The following CLTRN variants were observed in gnomAD, a reference collection of about 807,000 sequenced individuals.
CLTRN encodes the protein collectrin, amino acid transport regulator.
A neutral mutation model predicts 14.5 loss-of-function variants in CLTRN; 12 were observed. The observed-to-expected ratio is 0.83, with a 90% CI of 0.53 to 1.34. The LOEUF (loss-of-function observed/expected upper bound fraction) is 1.34, where lower values mean the gene tolerates loss of function less well. Among genes scored for constraint, CLTRN ranks in the 40% most tolerant of loss-of-function variants. CLTRN has a pLI of 0.00. For synonymous variants in CLTRN, 58 were observed against 56.5 expected (o/e 1.03, Z -0.12); for missense variants, 154 against 165.1 (o/e 0.93, Z 0.37).
chrX:15,655,570 G>C (rs1366803472), intron 3 of CLTRN, among the ~76,000 whole-genome samples: 1 of 111,989 alleles, frequency 8.9e-6, no homozygotes, highest in Non-Finnish European at 1.9e-5. Flanking sequence ...CAAAGCCTCT[G>C]CTTGGCCCCA....
At chrX:15,648,546 C>T (rs1336241797) in intron 3 of CLTRN, among the ~76,000 whole-genome samples, 1 of 111,610 alleles carries the variant, frequency 9.0e-6, no homozygotes, top group Non-Finnish European at 1.9e-5. Context: ...GGCACGGTAG[C>T]TCACGCCTGT....
At chrX:15,665,304 C>G (rs1208592404), upstream of CLTRN, among the ~76,000 whole-genome samples, 1 of 111,971 alleles carries the variant, frequency 8.9e-6, no homozygotes, top group African/African-American at 3.3e-5. Flanking sequence ...AGGAGAGCTT[C>G]GGAGCTTCCT....
chrX:15,670,633 A>G, intron 1 of CLTRN, among the ~76,000 whole-genome samples: 1 of 111,149 alleles, frequency 9.0e-6, no homozygotes, highest in Non-Finnish European at 1.9e-5. Flanking sequence ...GTTCTATTTT[A>G]ACTCAGTGGT....
chrX:15,655,874 C>T (rs1441269025), intron 3 of CLTRN, among the ~76,000 whole-genome samples: 1 of 112,130 alleles, frequency 8.9e-6, no homozygotes, highest in African/African-American at 3.2e-5. Flanking sequence ...TCTATGAGCA[C>T]TTCTCTACCT....
At chrX:15,639,076 T>C (rs985214911) in intron 5 of CLTRN, among the ~76,000 whole-genome samples, 1 of 111,537 alleles carries the variant, frequency 9.0e-6, no homozygotes, top group Admixed American at 9.6e-5. Context: ...GGGATGAGTG[T>C]CCATCAAAGG....
chrX:15,653,892 T>G (rs754538881), intron 3 of CLTRN, among the ~76,000 whole-genome samples: 4 of 112,893 alleles, frequency 3.5e-5, no homozygotes, highest in Non-Finnish European at 7.5e-5. Context: ...AATAATCATT[T>G]TGACCAATTG....
At chrX:15,662,525 T>C (rs1413613064) in intron 2 of CLTRN, among the ~76,000 whole-genome samples, 1 of 111,178 alleles carries the variant, frequency 9.0e-6, no homozygotes, top group African/African-American at 3.3e-5. Context: ...ATTAAAGCCA[T>C]AGCAAAGAGC....
intron 3 of CLTRN, among the ~76,000 whole-genome samples, chrX:15,652,066 C>G (rs1929230678): frequency 8.9e-6 from 1 of 112,046 alleles, no homozygotes; most frequent in African/African-American, 3.2e-5. Flanking sequence ...AGAATGACTG[C>G]ACATAGTTCT....
chrX:15,653,230 A>G (rs764719600), intron 3 of CLTRN, among the ~76,000 whole-genome samples: 116 of 110,820 alleles, frequency 1.0e-3, no homozygotes, highest in South Asian at 2.8e-3. Context: ...TTGGGTGTTG[A>G]AGAGTGCTTG....
At chrX:15,675,348 T>A (rs1312738568), upstream of CLTRN, among the ~76,000 whole-genome samples, 1 of 110,491 alleles carries the variant, frequency 9.1e-6, no homozygotes, top group African/African-American at 3.3e-5. Flanking sequence ...TGCGGAGTAG[T>A]GACCGGCAAG....
chrX:15,651,371 G>C (rs1330752461), intron 3 of CLTRN, among the ~76,000 whole-genome samples: 1 of 110,971 alleles, frequency 9.0e-6, no homozygotes, highest in Admixed American at 9.5e-5. Flanking sequence ...CCAGAGTCTT[G>C]AGTCCACCAG....
intron 4 of CLTRN, among the ~76,000 whole-genome samples, chrX:15,641,463 T>C (rs1299828262): frequency 1.8e-5 from 2 of 112,149 alleles, no homozygotes; most frequent in Non-Finnish European, 3.8e-5. Context: ...CAAGAAAATG[T>C]AATTTCAACA....
At chrX:15,666,910 C>T (rs759058201), upstream of CLTRN, among the ~76,000 whole-genome samples, 41 of 112,745 alleles carry the variant, frequency 3.6e-4, no homozygotes, top group South Asian at 0.012. Flanking sequence ...ATTTTACTTA[C>T]ATCAAGGAAG....
At chrX:15,638,723 C>A (rs888277866) in intron 5 of CLTRN, among the ~76,000 whole-genome samples, 17 of 111,920 alleles carry the variant, frequency 1.5e-4, no homozygotes, top group African/African-American at 5.2e-4. Flanking sequence ...TCCTCTTCTT[C>A]TCCACTACCT....
At chrX:15,655,455 C>G (rs1404851064) in intron 3 of CLTRN, among the ~76,000 whole-genome samples, 1 of 112,062 alleles carries the variant, frequency 8.9e-6, no homozygotes, top group Non-Finnish European at 1.9e-5. Flanking sequence ...CGCCTCGGCT[C>G]TGCCTCCGGG....
chrX:15,668,724 C>T (rs981674516), upstream of CLTRN, among the ~76,000 whole-genome samples: 1 of 111,066 alleles, frequency 9.0e-6, no homozygotes, highest in African/African-American at 3.3e-5. Context: ...ATATAATGTA[C>T]CAGAAATAAA....
intron 3 of CLTRN, among the ~76,000 whole-genome samples, chrX:15,649,522 G>T (rs1264423944): frequency 9.0e-6 from 1 of 111,642 alleles, no homozygotes; most frequent in Non-Finnish European, 1.9e-5. Context: ...GCCAAATGGT[G>T]GTCTTGAGAC....
At chrX:15,646,184 C>T (rs972963911) in intron 3 of CLTRN, 17 of 174,980 alleles carry the variant, frequency 9.7e-5, no homozygotes, top group Admixed American at 2.1e-4. Flanking sequence ...TCTGCAGCTG[C>T]GCGCCGCAAA....
At chrX:15,673,008 T>C (rs1462467044) in intron 1 of CLTRN, among the ~76,000 whole-genome samples, 1 of 112,308 alleles carries the variant, frequency 8.9e-6, no homozygotes, top group African/African-American at 3.2e-5. Flanking sequence ...TTCATGAAAT[T>C]GATTCAGTGC....
Sources: gnomAD v4.1 joint callset for allele counts (sites outside exome capture counted in the v4.1 genomes callset) on GRCh38, gnomAD v4.1.1 for gene constraint, MANE v1.5 for transcripts, NCBI Gene and HGNC (gene_info 2026-07-23, HGNC 2026-07-21) for gene names.